CLIC4: variants seen among roughly 807,000 people sequenced by gnomAD.
The protein encoded by CLIC4 is CLIC family member 4.
Under a neutral mutation model 24.6 loss-of-function variants are expected in CLIC4, and 13 were observed. The ratio of observed to expected loss-of-function variants is 0.53; its 90% CI spans 0.34 to 0.84. The LOEUF (loss-of-function observed/expected upper bound fraction) is 0.84. Ranked by LOEUF, CLIC4 falls within the 40% of genes least tolerant of loss-of-function variation. CLIC4 has a pLI of 0.01. For synonymous variants in CLIC4, 104 were observed against 111.3 expected (o/e 0.93, Z 0.41); for missense variants, 227 against 301.7 (o/e 0.75, Z 1.83).
At chr1:24,812,066 A>G (rs923458678) in intron 2 of CLIC4, among the ~76,000 whole-genome samples, 1 of 152,120 alleles carries the variant, frequency 6.6e-6, no homozygotes, top group Non-Finnish European at 1.5e-5. Context: ...AATTCCCTTT[A>G]TAGTTGTGCT....
intron 1 of CLIC4, among the ~76,000 whole-genome samples, chr1:24,793,839 A>G (rs569996827): frequency 6.6e-6 from 1 of 152,090 alleles, no homozygotes; most frequent in East Asian, 1.9e-4. Flanking sequence ...CCATTAGTTT[A>G]GGAATTAATG....
chr1:24,769,271 C>T, intron 1 of CLIC4, among the ~76,000 whole-genome samples: 1 of 152,106 alleles, frequency 6.6e-6, no homozygotes. Context: ...AAAAAATGAT[C>T]AGTAAGTTTT....
At chr1:24,832,136 A>G (rs1043836953) in intron 4 of CLIC4, among the ~76,000 whole-genome samples, 7 of 152,120 alleles carry the variant, frequency 4.6e-5, no homozygotes, top group Admixed American at 3.3e-4. Flanking sequence ...TCAGCTAACT[A>G]TATGCATTAT....
At chr1:24,769,453 A>G (rs1441613515) in intron 1 of CLIC4, among the ~76,000 whole-genome samples, 1 of 152,174 alleles carries the variant, frequency 6.6e-6, no homozygotes, top group East Asian at 1.9e-4. Context: ...AATTAGAGAG[A>G]TCATTGTTTG....
At chr1:24,795,054 G>A (rs910543592) in intron 1 of CLIC4, among the ~76,000 whole-genome samples, 1 of 152,170 alleles carries the variant, frequency 6.6e-6, no homozygotes, top group East Asian at 1.9e-4. Context: ...TGGAAGGAGG[G>A]AGAGGATCAG....
chr1:24,797,912 A>C, intron 2 of CLIC4, 61 bp downstream of exon 2: 2 of 1,131,468 alleles, frequency 1.8e-6, no homozygotes, highest in East Asian at 2.4e-5. Flanking sequence ...GTTTGATCCT[A>C]TTTTCACCTT....
chr1:24,798,763 C>A (rs1639435852), intron 2 of CLIC4, among the ~76,000 whole-genome samples: 1 of 152,162 alleles, frequency 6.6e-6, no homozygotes, highest in African/African-American at 2.4e-5. Context: ...CTGCCTGATT[C>A]TCCTGCCTCA....
chr1:24,745,607 C>G lies in CLIC4; in HGVS notation c.54C>G (p.Leu18=), dbSNP rs567496632. 1.3e-6 allele frequency: 2 copies of G among 1,577,444 alleles called. No individual in the cohort carries two copies. Among genetic ancestry groups the G allele is most frequent in the South Asian group, 2.3e-5 (2 of 85,708 alleles). The change falls in exon 1 of 6, where the codon CTC becomes CTG. Residue 18 remains leucine, a synonymous_variant. Coordinates refer to ENST00000374379, the MANE Select transcript of CLIC4 (RefSeq NM_013943.3). ...TGAAGGAGGAGGACAAAGAGCCCCT[C>G]ATCGAGCTCTTCGTCAAGGTGAGCG... is the stretch of plus-strand genomic sequence containing the variant. ...NGLKEEDKEP[L]IELFVKAGSD...
intron 1 of CLIC4, among the ~76,000 whole-genome samples, chr1:24,771,247 T>C (rs750166178): frequency 6.6e-6 from 1 of 152,222 alleles, no homozygotes; most frequent in African/African-American, 2.4e-5. Flanking sequence ...TGAAACTAAA[T>C]GTTCTCCAAG....
At chr1:24,764,360 G>A (rs1023920193) in intron 1 of CLIC4, among the ~76,000 whole-genome samples, 8 of 151,444 alleles carry the variant, frequency 5.3e-5, no homozygotes, top group South Asian at 2.1e-4. Flanking sequence ...TTGGCCTCCC[G>A]AAGTGCTGGG....
At chr1:24,747,532 T>TC (rs1638715919) in intron 1 of CLIC4, among the ~76,000 whole-genome samples, 1 of 10,348 alleles carries the variant, frequency 9.7e-5, no homozygotes, top group Non-Finnish European at 2.4e-4. Context: ...AGACTCCATC[T>TC]CAAAAAAAAA....
intron 2 of CLIC4, 65 bp from the exon 3 acceptor site, chr1:24,814,029 T>G (rs1639643841): frequency 1.2e-6 from 2 of 1,603,010 alleles, no homozygotes; most frequent in Non-Finnish European, 1.7e-6. Context: ...CTTTGAGAAT[T>G]TAAAGTATTA....
chr1:24,762,174 A>G (rs1425792976), intron 1 of CLIC4, among the ~76,000 whole-genome samples: 1 of 152,166 alleles, frequency 6.6e-6, no homozygotes, highest in Non-Finnish European at 1.5e-5. Context: ...TCCCAGCACT[A>G]TGGAAGGCTG....
chr1:24,748,646 T>C (rs1280106448), intron 1 of CLIC4, among the ~76,000 whole-genome samples: 2 of 151,400 alleles, frequency 1.3e-5, no homozygotes, highest in African/African-American at 2.4e-5. Context: ...GAGGAGCGCA[T>C]GCACCACTAC....
At chr1:24,748,880 C>T (rs1022048059) in intron 1 of CLIC4, among the ~76,000 whole-genome samples, 5 of 151,896 alleles carry the variant, frequency 3.3e-5, no homozygotes, top group Non-Finnish European at 5.9e-5. Context: ...TCAAAACCTA[C>T]GTGTGGGAAA....
At chr1:24,787,494 T>G (rs1639282748) in intron 1 of CLIC4, among the ~76,000 whole-genome samples, 1 of 152,072 alleles carries the variant, frequency 6.6e-6, no homozygotes, top group African/African-American at 2.4e-5. Context: ...GTTCAGTGGT[T>G]TTTAGTATAT....
At chr1:24,809,672 G>A (rs1371302034) in intron 2 of CLIC4, among the ~76,000 whole-genome samples, 1 of 152,054 alleles carries the variant, frequency 6.6e-6, no homozygotes, top group Non-Finnish European at 1.5e-5. Context: ...TGTTGCCCAG[G>A]TTGGTCTCAA....
At chr1:24,767,521 G>T (rs1639015886) in intron 1 of CLIC4, among the ~76,000 whole-genome samples, 3 of 152,090 alleles carry the variant, frequency 2.0e-5, no homozygotes, top group South Asian at 2.1e-4. Flanking sequence ...AAAGAGCAGG[G>T]TTAGTACAAA....
At chr1:24,753,450 G>A (rs1474909705) in intron 1 of CLIC4, among the ~76,000 whole-genome samples, 3 of 152,190 alleles carry the variant, frequency 2.0e-5, no homozygotes, top group Non-Finnish European at 4.4e-5. Context: ...AGTAGGGCTA[G>A]GAGACATGGG....
Sources: allele counts gnomAD v4.1 joint callset (sites outside exome capture counted in the v4.1 genomes callset), GRCh38; gene constraint gnomAD v4.1.1; transcripts MANE v1.5; gene names NCBI Gene and HGNC (gene_info 2026-07-23, HGNC 2026-07-21).